The following KLHL8 variants were observed in gnomAD, a reference collection of about 807,000 sequenced individuals.
KLHL8 encodes kelch like family member 8.
Under a neutral mutation model 63.5 loss-of-function variants are expected in KLHL8, and 38 were observed. The observed-to-expected ratio is 0.60, with a 90% CI of 0.46 to 0.78. The LOEUF is 0.78. KLHL8 is among the 30% of genes least tolerant of loss of function. The probability of loss-of-function intolerance (pLI) is 0.00; values close to 1 mark genes in which losing one functional copy is unlikely to be tolerated. For missense variants in KLHL8, 566 were observed against 752.4 expected (o/e 0.75, Z 2.90); for synonymous variants, 224 against 254.3 (o/e 0.88, Z 1.13).
chr4:87,184,977 T>C (rs1731195221), intron 3 of KLHL8, among the ~76,000 whole-genome samples: 1 of 152,180 alleles, frequency 6.6e-6, no homozygotes, highest in African/African-American at 2.4e-5. Flanking sequence ...ATAAATAAAA[T>C]ATTCATCATT....
At chr4:87,224,585 T>A (rs1367825900), upstream of KLHL8, among the ~76,000 whole-genome samples, 1 of 152,226 alleles carries the variant, frequency 6.6e-6, no homozygotes, top group Non-Finnish European at 1.5e-5. Flanking sequence ...GACCACTATC[T>A]TCCTGTCCAG....
intron 7 of KLHL8, 64 bp from the exon 8 acceptor site, chr4:87,170,302 G>C: frequency 6.6e-7 from 1 of 1,518,444 alleles, no homozygotes; most frequent in Non-Finnish European, 8.9e-7. Context: ...TGTTTTAATG[G>C]TAAATTAGAA....
intron 1 of KLHL8, among the ~76,000 whole-genome samples, chr4:87,217,316 T>A (rs1732632736): frequency 6.6e-6 from 1 of 151,750 alleles, no homozygotes; most frequent in South Asian, 2.1e-4. Context: ...GAAACATTTA[T>A]CCTCCCTCAT....
intron 4 of KLHL8, among the ~76,000 whole-genome samples, chr4:87,181,303 C>T (rs995902788): frequency 6.6e-6 from 1 of 151,462 alleles, no homozygotes; most frequent in Non-Finnish European, 1.5e-5. Context: ...AAAATTTGCC[C>T]GGCGTGGTGG....
intron 1 of KLHL8, among the ~76,000 whole-genome samples, chr4:87,217,074 G>C (rs1049483641): frequency 6.6e-6 from 1 of 152,118 alleles, no homozygotes; most frequent in East Asian, 1.9e-4. Context: ...TTATAGTCTG[G>C]TGCTTCCATA....
chr4:87,225,719 G>C lies in KLHL8; in HGVS notation n.58-4329C>G, dbSNP rs1362992466. ...GAATATCTATTTTAGGTAGTTTGGG[G>C]GTGGGTCTGTGGGTGAAGCTAAAAC... is the stretch of plus-strand genomic sequence containing the variant. On this transcript the variant is annotated intron_variant and non_coding_transcript_variant, in intron 1 of 1. Coordinates refer to the KLHL8 transcript ENST00000506274. Among the ~76,000 whole-genome samples the C allele has an allele frequency of 2.0e-5, 3 of 152,272 alleles. No individual in the cohort carries two copies. In the East Asian group the frequency reaches 5.8e-4, roughly 29 times the overall value.
chr4:87,234,029 G>A (rs1014997360), intron 1 of KLHL8, among the ~76,000 whole-genome samples: 2 of 152,202 alleles, frequency 1.3e-5, no homozygotes, highest in African/African-American at 4.8e-5. Flanking sequence ...TACATTTAGA[G>A]TAGAATGAGT....
chr4:87,192,000 T>C (rs1207477122), intron 2 of KLHL8, among the ~76,000 whole-genome samples: 1 of 152,190 alleles, frequency 6.6e-6, no homozygotes. Flanking sequence ...ATTTTCCATA[T>C]CCAATCCACC....
chr4:87,188,082 T>G (rs1459026912), intron 2 of KLHL8, among the ~76,000 whole-genome samples: 1 of 152,174 alleles, frequency 6.6e-6, no homozygotes, highest in East Asian at 1.9e-4. Flanking sequence ...TATATTAAAT[T>G]TTTTCACAGA....
chr4:87,236,731 C>T (rs956474533), intron 1 of KLHL8, among the ~76,000 whole-genome samples: 1 of 136,426 alleles, frequency 7.3e-6, no homozygotes, highest in Non-Finnish European at 1.5e-5. Context: ...GTGACACAAT[C>T]TCAGCTCACT....
At chr4:87,200,421 T>C (rs1024836905) in intron 1 of KLHL8, among the ~76,000 whole-genome samples, 7 of 152,232 alleles carry the variant, frequency 4.6e-5, no homozygotes, top group African/African-American at 1.7e-4. Context: ...ATGTAAATGC[T>C]ATGTAAATAG....
Position 87,171,807 on chromosome 4 carries a change from T to C in KLHL8, c.1209-1192A>G, listed in dbSNP as rs138921142. Among the ~76,000 whole-genome samples the C allele has an allele frequency of 4.0e-3, 611 of 152,340 alleles. 4 individuals are homozygous for C. Among genetic ancestry groups the C allele is most frequent in the African/African-American group, 0.014 (594 of 41,576 alleles). ...GTGCCTTCTTTACTCCATCATTAAA[T>C]TATAAAGTTCCCTAAGGGTCACTCT... On this transcript the variant is annotated intron_variant, in intron 6 of 9. Transcript: ENST00000273963.
At chr4:87,169,552 A>G (rs140453602) in intron 8 of KLHL8, among the ~76,000 whole-genome samples, 1 of 152,218 alleles carries the variant, frequency 6.6e-6, no homozygotes, top group Non-Finnish European at 1.5e-5. Flanking sequence ...GATTTAAACA[A>G]AAATTATGAA....
intron 1 of KLHL8, chr4:87,207,139 C>A: frequency 1.8e-6 from 1 of 552,022 alleles, no homozygotes; most frequent in South Asian, 1.5e-5. Context: ...GATGCCTGGT[C>A]ACCAGGGTTG....
rs1315841914 is a variant in KLHL8, at chr4:87,195,613, G to A, written c.-74C>T. 2 of 1,256,060 alleles carry A rather than the reference G, an allele frequency of 1.6e-6. No homozygotes were observed. The highest frequency in any genetic ancestry group is 2.3e-5 in the East Asian group (1 of 43,142). 77.8% of individuals were successfully genotyped at this position (1,256,060 alleles called of 1,614,324 possible). A position where few individuals can be genotyped will look rare whatever the true frequency, so the allele number is the denominator to read the frequency against. On this transcript the variant is annotated 5_prime_UTR_variant, in exon 2 of 10. Transcript: ENST00000273963. ...ATTTTTTTTCAAAGGGTAGAGAGAA[G>A]GCAGAAGGTAGATGTAGACACTACA... is the stretch of plus-strand genomic sequence containing the variant.
intron 1 of KLHL8, among the ~76,000 whole-genome samples, chr4:87,236,739 A>T (rs573004973): frequency 7.2e-6 from 1 of 138,408 alleles, no homozygotes; most frequent in East Asian, 2.1e-4. Flanking sequence ...ATCTCAGCTC[A>T]CTGCAAACTC....
intron 1 of KLHL8, among the ~76,000 whole-genome samples, chr4:87,239,610 T>C (rs1304823425): frequency 1.3e-5 from 2 of 152,092 alleles, no homozygotes; most frequent in African/African-American, 4.8e-5. Flanking sequence ...TTTTCTCAGT[T>C]CCCTTTCACC....
chr4:87,200,754 G>T (rs1731889787), intron 1 of KLHL8, among the ~76,000 whole-genome samples: 3 of 152,130 alleles, frequency 2.0e-5, no homozygotes, highest in Admixed American at 1.3e-4. Context: ...GTTAGAAATA[G>T]AATTACCATA....
At position 87,162,614 on chromosome 4, in the gene KLHL8, G is replaced by A. The variant is rs1028140491; in HGVS notation, c.*905C>T. ...ATGGTGGCAAATAGCAAAATAGAGA[G>A]ATGATAAATCTTGGATCCAAAATCA... On this transcript the variant is annotated 3_prime_UTR_variant, in exon 10 of 10. Transcript: ENST00000273963. The A allele has an allele frequency of 1.3e-5, 2 of 152,144 alleles. No homozygotes were observed. The highest frequency in any genetic ancestry group is 2.9e-5 in the Non-Finnish European group (2 of 68,026). The allele number at this position is 152,144 out of a possible 1,614,324, so 9.4% of individuals were successfully genotyped here.
Sources: allele counts gnomAD v4.1 joint callset (sites outside exome capture counted in the v4.1 genomes callset), GRCh38; gene constraint gnomAD v4.1.1; transcripts MANE v1.5; gene names NCBI Gene and HGNC (gene_info 2026-07-23, HGNC 2026-07-21).